Variants in NRXN3 observed in about 807,000 individuals in gnomAD.
NRXN3 encodes neurexin 3, also known as neurexin III.
NRXN3 carries 32 observed loss-of-function variants against 137.6 expected under a neutral mutation model. That is an observed-to-expected ratio of 0.23 (90% CI 0.18 to 0.31). The LOEUF is 0.31. NRXN3 is among the 10% of genes least tolerant of loss of function. NRXN3 has a pLI of 1.00. For synonymous variants in NRXN3, 798 were observed against 784.5 expected (o/e 1.02, Z -0.29); for missense variants, 1,574 against 2,062.5 (o/e 0.76, Z 4.59).
intron 1 of NRXN3, among the ~76,000 whole-genome samples, chr14:78,212,235 G>A (rs2062821685): frequency 6.6e-6 from 1 of 152,188 alleles, no homozygotes; most frequent in African/African-American, 2.4e-5. Context: ...ATTGCATGTT[G>A]GTCATTGTAC....
At chr14:78,639,623 T>C (rs975034582) in intron 4 of NRXN3, among the ~76,000 whole-genome samples, 3 of 152,222 alleles carry the variant, frequency 2.0e-5, no homozygotes. Flanking sequence ...TCTACCATTG[T>C]CAGTAGTTTT....
At chr14:79,497,546 T>G (rs757869777) in intron 16 of NRXN3, among the ~76,000 whole-genome samples, 22 of 152,162 alleles carry the variant, frequency 1.4e-4, no homozygotes, top group Non-Finnish European at 2.5e-4. Flanking sequence ...TTCCCACAGA[T>G]TTTACCATTA....
intron 15 of NRXN3, among the ~76,000 whole-genome samples, chr14:79,352,588 G>C (rs1423082329): frequency 6.6e-6 from 1 of 152,044 alleles, no homozygotes; most frequent in African/African-American, 2.4e-5. Flanking sequence ...TTATACAATG[G>C]CCAAAGAATG....
intron 16 of NRXN3, among the ~76,000 whole-genome samples, chr14:79,596,071 T>C (rs1220490373): frequency 6.6e-6 from 1 of 151,754 alleles, no homozygotes. Context: ...TGGTCTTTTA[T>C]GACATTCTTT....
intron 15 of NRXN3, among the ~76,000 whole-genome samples, chr14:78,989,593 T>C (rs775743180): frequency 7.9e-5 from 12 of 152,184 alleles, no homozygotes; most frequent in Non-Finnish European, 1.5e-4. Flanking sequence ...CATGTTGCCA[T>C]ATTTATGATG....
intron 10 of NRXN3, among the ~76,000 whole-genome samples, chr14:78,940,403 A>G (rs892527315): frequency 4.6e-5 from 7 of 152,258 alleles, no homozygotes; most frequent in African/African-American, 9.6e-5. Flanking sequence ...TTCCTTAGGT[A>G]TAATGCAAAG....
chr14:78,470,759 T>C (rs2095247875), intron 4 of NRXN3, among the ~76,000 whole-genome samples: 1 of 152,206 alleles, frequency 6.6e-6, no homozygotes, highest in Admixed American at 6.5e-5. Context: ...TGACAATGTT[T>C]AGTATCACGC....
At chr14:78,721,696 G>T (rs1478852209) in intron 8 of NRXN3, among the ~76,000 whole-genome samples, 1 of 152,072 alleles carries the variant, frequency 6.6e-6, no homozygotes, top group Non-Finnish European at 1.5e-5. Context: ...ATGGATTAAC[G>T]AATCGAACCT....
intron 10 of NRXN3, among the ~76,000 whole-genome samples, chr14:78,955,701 T>G (rs556512302): frequency 2.6e-5 from 4 of 152,190 alleles, no homozygotes; most frequent in Non-Finnish European, 5.9e-5. Context: ...TTTTTCACTT[T>G]GAAACTCTGT....
At chr14:78,664,049 A>G (rs571145413) in intron 6 of NRXN3, among the ~76,000 whole-genome samples, 1 of 152,296 alleles carries the variant, frequency 6.6e-6, no homozygotes, top group South Asian at 2.1e-4. Context: ...AGATTTCAAG[A>G]GAGATACAAG....
At chr14:79,521,068 C>T (rs910493815) in intron 16 of NRXN3, among the ~76,000 whole-genome samples, 5 of 152,132 alleles carry the variant, frequency 3.3e-5, no homozygotes, top group African/African-American at 9.7e-5. Flanking sequence ...TAAAGCAAGT[C>T]TCTTGTTCAT....
chr14:79,404,550 C>A (rs912304052), intron 15 of NRXN3, among the ~76,000 whole-genome samples: 4 of 152,032 alleles, frequency 2.6e-5, no homozygotes, highest in African/African-American at 9.7e-5. Context: ...AAATGAAAGA[C>A]AGCTAGGTTT....
At chr14:78,345,270 G>T (rs567877909) in intron 4 of NRXN3, among the ~76,000 whole-genome samples, 1 of 152,086 alleles carries the variant, frequency 6.6e-6, no homozygotes. Flanking sequence ...AAGGGCACCC[G>T]GGTTTATGGC....
At chr14:78,580,959 A>G (rs1369907484) in intron 4 of NRXN3, among the ~76,000 whole-genome samples, 1 of 152,210 alleles carries the variant, frequency 6.6e-6, no homozygotes, top group Non-Finnish European at 1.5e-5. Context: ...TTCCTGTCAC[A>G]TCATACTGTT....
intron 4 of NRXN3, chr14:78,300,719 T>A: frequency 6.8e-7 from 1 of 1,462,624 alleles, no homozygotes; most frequent in Non-Finnish European, 9.3e-7. Flanking sequence ...TTTATCATTA[T>A]AACTATCAAT....
At chr14:79,710,921 C>CAGACT (rs1666530392) in intron 19 of NRXN3, among the ~76,000 whole-genome samples, 1 of 152,304 alleles carries the variant, frequency 6.6e-6, no homozygotes, top group Admixed American at 6.5e-5. Context: ...TAAATATTTT[C>CAGACT]AGACTACAAG....
chr14:78,331,535 A>G (rs537537062), intron 4 of NRXN3, among the ~76,000 whole-genome samples: 2 of 152,298 alleles, frequency 1.3e-5, no homozygotes, highest in South Asian at 2.1e-4. Flanking sequence ...AGCAACATAA[A>G]AAGGCAGAGT....
At chr14:79,732,248 T>C (rs1458553268) in intron 19 of NRXN3, among the ~76,000 whole-genome samples, 1 of 152,168 alleles carries the variant, frequency 6.6e-6, no homozygotes, top group South Asian at 2.1e-4. Flanking sequence ...TCCCACTGTA[T>C]GTCTGATAAA....
chr14:79,367,991 A>G (rs2093957872), intron 15 of NRXN3, among the ~76,000 whole-genome samples: 1 of 152,226 alleles, frequency 6.6e-6, no homozygotes, highest in South Asian at 2.1e-4. Context: ...AAATAAAAAG[A>G]TCAGGGTTCC....
Sources: allele counts gnomAD v4.1 joint callset (sites outside exome capture counted in the v4.1 genomes callset), GRCh38; gene constraint gnomAD v4.1.1; transcripts MANE v1.5; gene names NCBI Gene and HGNC (gene_info 2026-07-23, HGNC 2026-07-21).